The following CHFR variants were observed in gnomAD, a reference collection of about 807,000 sequenced individuals.
CHFR encodes E3 ubiquitin-protein ligase CHFR.
A neutral mutation model predicts 87.6 loss-of-function variants in CHFR; 57 were observed. The observed-to-expected ratio is 0.65, with a 90% CI of 0.53 to 0.81. The LOEUF is 0.81. Among genes scored for constraint, CHFR ranks in the 30% least tolerant of loss-of-function variants. CHFR has a pLI of 0.00. For missense variants in CHFR, 797 were observed against 865.8 expected (o/e 0.92, Z 1.00); for synonymous variants, 381 against 359.2 (o/e 1.06, Z -0.69).
At chr12:132,847,701 G>C (rs755374387) in intron 14 of CHFR, 1 of 1,110,306 alleles carries the variant, frequency 9.0e-7, no homozygotes, top group Non-Finnish European at 1.1e-6. Context: ...CTTCCTAGAC[G>C]TGGGAAGGCA....
chr12:132,882,634 C>T (rs1238974922), intron 2 of CHFR, among the ~76,000 whole-genome samples: 1 of 152,020 alleles, frequency 6.6e-6, no homozygotes, highest in Non-Finnish European at 1.5e-5. Flanking sequence ...CCTTCAAGCC[C>T]CAAAACCAGT....
chr12:132,848,406 G>A (rs1950871752), intron 13 of CHFR: 1 of 737,654 alleles, frequency 1.4e-6, no homozygotes, highest in Admixed American at 2.2e-5. Context: ...GAACCCCGCT[G>A]CAAGGATTCT....
chr12:132,837,005 G>A lies in CHFR; in HGVS notation c.*4549C>T, dbSNP rs1950652808. On this transcript the variant is annotated 3_prime_UTR_variant, in exon 18 of 18. Coordinates refer to ENST00000450056, the MANE Select transcript of CHFR (RefSeq NM_001161346.2). Reference sequence around the variant, plus strand: ...GTGCTGGGGGGAAACTAGACTGGCTGGCGGGGTGGGGGCAGCCCTGCAGGA... The same window carrying A: ...GTGCTGGGGGGAAACTAGACTGGCTAGCGGGGTGGGGGCAGCCCTGCAGGA... The A allele has an allele frequency of 2.8e-6, 1 of 355,294 alleles. No homozygotes were observed. Among genetic ancestry groups the A allele is most frequent in the Non-Finnish European group, 5.5e-6 (1 of 181,006 alleles). The allele number at this position is 355,294 out of a possible 1,614,324, so 22.0% of individuals were successfully genotyped here.
intron 3 of CHFR, 116 bp downstream of exon 3, chr12:132,877,439 T>C (rs1267164787): frequency 1.7e-6 from 1 of 586,232 alleles, no homozygotes; most frequent in Non-Finnish European, 2.9e-6. Context: ...GCCGCTGTTA[T>C]CACACTAAAG....
intron 10 of CHFR, 43 bp from the exon 11 acceptor site, chr12:132,853,616 C>T: frequency 6.7e-7 from 1 of 1,489,412 alleles, no homozygotes; most frequent in Non-Finnish European, 8.9e-7. Context: ...GGCCCCAAGC[C>T]TCTCAGGTAG....
chr12:132,878,904 A>C (rs1487396496), intron 2 of CHFR, among the ~76,000 whole-genome samples: 1 of 151,960 alleles, frequency 6.6e-6, no homozygotes, highest in East Asian at 1.9e-4. Flanking sequence ...TTTTCTGTGT[A>C]AACTTAGGTT....
In CHFR at chr12:132,835,755, T is replaced by G. The variant is rs886434651; in HGVS notation, c.*5799A>C. 3.7e-6 allele frequency: 1 copy of G among 273,876 alleles called. No individual in the cohort carries two copies. Among genetic ancestry groups the G allele is most frequent in the African/African-American group, 2.4e-5 (1 of 42,296 alleles). 17.0% of individuals were successfully genotyped at this position (273,876 alleles called of 1,614,324 possible). ...ATCCAGCGGCCCAAGTGGACCCACATTCAAGGCCAGCACTGGGCAGGGCGG... is the reference window on the plus strand; with the variant it reads ...ATCCAGCGGCCCAAGTGGACCCACAGTCAAGGCCAGCACTGGGCAGGGCGG... On this transcript the variant is annotated 3_prime_UTR_variant, in exon 18 of 18. Coordinates refer to ENST00000450056, the MANE Select transcript of CHFR (RefSeq NM_001161346.2).
chr12:132,854,368 C>G (rs1183579112), intron 10 of CHFR: 1 of 152,260 alleles, frequency 6.6e-6, no homozygotes, highest in Non-Finnish European at 1.5e-5. Context: ...GTCCAATTCC[C>G]AGTCACACTC....
At chr12:132,872,486 T>C (rs979263039) in intron 3 of CHFR, 92 bp from the exon 4 acceptor site, 14 of 778,766 alleles carry the variant, frequency 1.8e-5, no homozygotes, top group Non-Finnish European at 2.9e-5. Flanking sequence ...CAGCTCGATA[T>C]GACCACTCTG....
At chr12:132,849,486 G>C (rs539580069) in intron 12 of CHFR, 5 of 152,388 alleles carry the variant, frequency 3.3e-5, no homozygotes, top group Admixed American at 2.0e-4. Flanking sequence ...AACAGTGAGA[G>C]ACACAAAAGA....
chr12:132,850,917 T>C (rs1950925492), intron 12 of CHFR, among the ~76,000 whole-genome samples: 1 of 149,932 alleles, frequency 6.7e-6, no homozygotes, highest in Non-Finnish European at 1.5e-5. Context: ...AAAACAGCCA[T>C]GAAATAAAGG....
chr12:132,851,760 C>T (rs756061068), intron 11 of CHFR, 23 bp from the exon 12 acceptor site: 17 of 1,600,262 alleles, frequency 1.1e-5, no homozygotes, highest in East Asian at 2.2e-5. Context: ...CACATTCAGC[C>T]GGAGCACGTG....
chr12:132,874,581 G>A (rs1345474946), intron 3 of CHFR, among the ~76,000 whole-genome samples: 2 of 149,718 alleles, frequency 1.3e-5, no homozygotes, highest in African/African-American at 4.9e-5. Context: ...CCAGCACCCA[G>A]CGTGGGAAAG....
At chr12:132,848,194 A>C (rs1315600186) in intron 13 of CHFR, 39 bp from the exon 14 acceptor site, 1 of 1,613,824 alleles carries the variant, frequency 6.2e-7, no homozygotes. Flanking sequence ...GTTTATAATG[A>C]TGTCGCAGGA....
chr12:132,858,129 G>A (rs1951124613), intron 8 of CHFR, among the ~76,000 whole-genome samples: 1 of 152,150 alleles, frequency 6.6e-6, no homozygotes, highest in African/African-American at 2.4e-5. Flanking sequence ...GGCCAAGGTG[G>A]GCAGATTACC....
chr12:132,863,627 A>G (rs993629044), intron 6 of CHFR, among the ~76,000 whole-genome samples: 1 of 152,174 alleles, frequency 6.6e-6, no homozygotes, highest in Non-Finnish European at 1.5e-5. Flanking sequence ...CGTGTGAACT[A>G]TTTTACAAGA....
chr12:132,842,739 GA>G, intron 17 of CHFR, among the ~76,000 whole-genome samples: 1 of 152,374 alleles, frequency 6.6e-6, no homozygotes, highest in East Asian at 1.9e-4. Context: ...CTTCGACTTA[GA>G]AACGGCTAAG....
Position 132,833,611 on chromosome 12 carries a change from G to A in CHFR, c.*7943C>T, listed in dbSNP as rs1031156856. Reference sequence around the variant, plus strand: ...AGGCGGGCAGATCGCTTGAACTCAGGAGTTCAAGACCAGCCTGGGCAACAT... The same window carrying A: ...AGGCGGGCAGATCGCTTGAACTCAGAAGTTCAAGACCAGCCTGGGCAACAT... On this transcript the variant is annotated 3_prime_UTR_variant, in exon 18 of 18. Coordinates refer to ENST00000450056, the MANE Select transcript of CHFR (RefSeq NM_001161346.2). 1.3e-5 allele frequency: 2 copies of A among 152,298 alleles called. No homozygotes were observed. Among genetic ancestry groups the A allele is most frequent in the African/African-American group, 4.8e-5 (2 of 41,456 alleles). 9.4% of individuals were successfully genotyped at this position (152,298 alleles called of 1,614,324 possible).
At chr12:132,844,212 T>C in intron 15 of CHFR, 78 bp from the exon 16 acceptor site, 1 of 880,676 alleles carries the variant, frequency 1.1e-6, no homozygotes, top group East Asian at 2.6e-5. Context: ...AGTGGGAGAC[T>C]AACGCACTGA....
Sources: allele counts gnomAD v4.1 joint callset (sites outside exome capture counted in the v4.1 genomes callset), GRCh38; gene constraint gnomAD v4.1.1; transcripts MANE v1.5; gene names NCBI Gene and HGNC (gene_info 2026-07-23, HGNC 2026-07-21).